Variants in NRXN3 observed in about 807,000 individuals in gnomAD.
The protein encoded by NRXN3 is neurexin 3.
A neutral mutation model predicts 137.6 loss-of-function variants in NRXN3; 32 were observed. That is an observed-to-expected ratio of 0.23 (90% CI 0.18 to 0.31). NRXN3 has a LOEUF of 0.31. NRXN3 is among the 10% of genes least tolerant of loss of function. The pLI is 1.00. For missense variants in NRXN3, 1,574 were observed against 2,062.5 expected, an observed-to-expected ratio of 0.76 and a Z score of 4.59; for synonymous variants, 798 against 784.5, an observed-to-expected ratio of 1.02 and a Z score of -0.29.
chr14:78,470,292 C>T (rs1307506431), intron 4 of NRXN3, among the ~76,000 whole-genome samples: 1 of 152,188 alleles, frequency 6.6e-6, no homozygotes, highest in East Asian at 1.9e-4. Context: ...ATGAGTCCCA[C>T]CCCAGTTCTC....
chr14:79,284,523 C>T (rs993124413), intron 15 of NRXN3, among the ~76,000 whole-genome samples: 5 of 151,566 alleles, frequency 3.3e-5, no homozygotes, highest in Non-Finnish European at 5.9e-5. Flanking sequence ...CCTCTGTAGA[C>T]GATTTGTGGG....
At chr14:78,280,493 A>T (rs1293855037) in intron 3 of NRXN3, among the ~76,000 whole-genome samples, 1 of 152,112 alleles carries the variant, frequency 6.6e-6, no homozygotes, top group Non-Finnish European at 1.5e-5. Flanking sequence ...AGTAAGTCCA[A>T]CACCTCGTTT....
At chr14:79,162,096 T>C (rs1466938621) in intron 15 of NRXN3, among the ~76,000 whole-genome samples, 2 of 35,726 alleles carry the variant, frequency 5.6e-5, no homozygotes, top group Admixed American at 4.5e-4. Flanking sequence ...AGTTTACTTA[T>C]TTTTTGTTTT....
chr14:78,204,636 A>G (rs2062009877), intron 1 of NRXN3, among the ~76,000 whole-genome samples: 2 of 152,124 alleles, frequency 1.3e-5, no homozygotes, highest in African/African-American at 4.8e-5. Flanking sequence ...TATGTATATT[A>G]TGATCTAAAT....
At chr14:78,974,772 G>T (rs2099458163) in intron 14 of NRXN3, among the ~76,000 whole-genome samples, 1 of 152,096 alleles carries the variant, frequency 6.6e-6, no homozygotes, top group South Asian at 2.1e-4. Flanking sequence ...TTGGGGTGTG[G>T]ACTATTACTC....
intron 1 of NRXN3, among the ~76,000 whole-genome samples, chr14:78,188,816 G>A (rs10130825): frequency 0.86 from 131,536 of 152,140 alleles, 57,051 homozygotes; most frequent in Middle Eastern, 0.9. Context: ...GGATTCCTAC[G>A]GGTTGGTTGG....
At chr14:79,224,375 G>T (rs986669557) in intron 15 of NRXN3, among the ~76,000 whole-genome samples, 1 of 152,146 alleles carries the variant, frequency 6.6e-6, no homozygotes, top group Admixed American at 6.6e-5. Context: ...TGAATCACTT[G>T]AGGATATATA....
chr14:79,245,135 G>C (rs2074963548), intron 15 of NRXN3, among the ~76,000 whole-genome samples: 1 of 152,076 alleles, frequency 6.6e-6, no homozygotes, highest in African/African-American at 2.4e-5. Context: ...ATCTCACAGG[G>C]TTCCTAATAA....
At chr14:78,576,778 GGGT>G (rs2096940374) in intron 4 of NRXN3, among the ~76,000 whole-genome samples, 2 of 152,196 alleles carry the variant, frequency 1.3e-5, no homozygotes, top group African/African-American at 4.8e-5. Context: ...GCAAAGGGAA[GGGT>G]GAAAACTTGG....
intron 8 of NRXN3, among the ~76,000 whole-genome samples, chr14:78,726,693 A>AT (rs1330907129): frequency 6.6e-6 from 1 of 151,422 alleles, no homozygotes; most frequent in Non-Finnish European, 1.5e-5. Flanking sequence ...TAATTTTTGT[A>AT]TTTTTTGTAG....
intron 15 of NRXN3, among the ~76,000 whole-genome samples, chr14:79,258,416 G>A (rs1326906841): frequency 6.6e-6 from 1 of 151,960 alleles, no homozygotes; most frequent in African/African-American, 2.4e-5. Context: ...TGTTTTCCAG[G>A]CTGGTCTCGA....
chr14:79,086,931 G>A (rs2048232317), intron 15 of NRXN3, among the ~76,000 whole-genome samples: 1 of 152,160 alleles, frequency 6.6e-6, no homozygotes, highest in Admixed American at 6.5e-5. Flanking sequence ...TCTTAATTAT[G>A]TCAATTGTCT....
At chr14:78,520,623 AT>A (rs1260018420) in intron 4 of NRXN3, among the ~76,000 whole-genome samples, 6 of 152,214 alleles carry the variant, frequency 3.9e-5, no homozygotes, top group Non-Finnish European at 8.8e-5. Flanking sequence ...GGGTAAAGTC[AT>A]TTAGTTTATT....
intron 15 of NRXN3, among the ~76,000 whole-genome samples, chr14:79,058,769 G>A (rs576152673): frequency 3.9e-4 from 60 of 152,146 alleles, no homozygotes; most frequent in African/African-American, 1.3e-3. Flanking sequence ...TCATGAGGGC[G>A]GTTCTCTCCA....
chr14:78,186,420 C>T (rs574542589), intron 1 of NRXN3, among the ~76,000 whole-genome samples: 41 of 152,342 alleles, frequency 2.7e-4, no homozygotes, highest in African/African-American at 6.3e-4. Flanking sequence ...CTTTTTGCAG[C>T]GTGTACATGC....
At chr14:79,101,234 A>T (rs948079141) in intron 15 of NRXN3, among the ~76,000 whole-genome samples, 12 of 152,176 alleles carry the variant, frequency 7.9e-5, no homozygotes, top group African/African-American at 2.9e-4. Context: ...TCTTTATAGT[A>T]CAATAGTTAG....
intron 15 of NRXN3, among the ~76,000 whole-genome samples, chr14:79,220,593 C>T (rs2069411542): frequency 1.3e-5 from 2 of 152,116 alleles, no homozygotes; most frequent in Non-Finnish European, 2.9e-5. Context: ...CTTCCTCATT[C>T]CCTCCTAACC....
chr14:78,465,691 T>C (rs1171742179), intron 4 of NRXN3, among the ~76,000 whole-genome samples: 1 of 144,774 alleles, frequency 6.9e-6, no homozygotes, highest in African/African-American at 2.6e-5. Context: ...TGCACCACCA[T>C]GCCCGGCTAA....
At chr14:78,511,970 T>G (rs1360829599) in intron 4 of NRXN3, among the ~76,000 whole-genome samples, 1 of 152,192 alleles carries the variant, frequency 6.6e-6, no homozygotes, top group Admixed American at 6.5e-5. Flanking sequence ...AAAGGGATAA[T>G]TTTAGCAACT....
Sources: allele counts gnomAD v4.1 joint callset (sites outside exome capture counted in the v4.1 genomes callset), GRCh38; gene constraint gnomAD v4.1.1; transcripts MANE v1.5; gene names NCBI Gene and HGNC (gene_info 2026-07-23, HGNC 2026-07-21).